The following SV2C variants were observed in gnomAD, a reference collection of about 807,000 sequenced individuals.
The protein encoded by SV2C is synaptic vesicle glycoprotein 2C.
In SV2C, 49 loss-of-function variants were observed where a neutral mutation model predicts 79.7. The observed-to-expected ratio is 0.61, with a 90% confidence interval of 0.49 to 0.78. The LOEUF is 0.78. SV2C is among the 30% of genes least tolerant of loss of function. SV2C has a pLI of 0.00. For synonymous variants in SV2C, 334 were observed against 333.2 expected (o/e 1.00, Z -0.03); for missense variants, 833 against 912.9 (o/e 0.91, Z 1.13).
intron 4 of SV2C, among the ~76,000 whole-genome samples, chr5:76,230,821 G>A (rs1561274759): frequency 6.9e-6 from 1 of 144,144 alleles, no homozygotes; most frequent in African/African-American, 2.9e-5. Flanking sequence ...AAGAAAGAAA[G>A]GCAAGAAAGT....
chr5:75,910,744 A>G, the SV2C span: 20 of 1,370,284 alleles, frequency 1.5e-5, no homozygotes, highest in East Asian at 4.6e-5. Flanking sequence ...TGAACCAAAA[A>G]CTACTAGAGG....
chr5:76,251,624 G>A (rs1331240891), intron 4 of SV2C, among the ~76,000 whole-genome samples: 1 of 152,136 alleles, frequency 6.6e-6, no homozygotes, highest in Non-Finnish European at 1.5e-5. Context: ...TGATTCCAGT[G>A]GTCTGGATGG....
the SV2C span, among the ~76,000 whole-genome samples, chr5:75,862,841 A>G: frequency 6.6e-6 from 1 of 152,212 alleles, no homozygotes; most frequent in Non-Finnish European, 1.5e-5. Flanking sequence ...AGACGTGATA[A>G]TCGGAGTAGG....
At chr5:75,955,223 C>T in the SV2C span, among the ~76,000 whole-genome samples, 10 of 150,664 alleles carry the variant, frequency 6.6e-5, no homozygotes, top group Non-Finnish European at 1.2e-4. Context: ...CAGAACAGAG[C>T]CCTCAGAAAT....
intron 2 of SV2C, among the ~76,000 whole-genome samples, chr5:76,155,389 C>T (rs1226424971): frequency 6.6e-6 from 1 of 152,228 alleles, no homozygotes; most frequent in African/African-American, 2.4e-5. Context: ...TCTTCCCCCA[C>T]TCCAAACTCA....
the SV2C span, among the ~76,000 whole-genome samples, chr5:76,057,982 C>T: frequency 6.6e-6 from 1 of 152,048 alleles, no homozygotes; most frequent in African/African-American, 2.4e-5. Context: ...TATGTAACGT[C>T]CATTTCTTTA....
rs567533458 is a variant in SV2C at position 76,328,769 on chromosome 5, A to AT, written c.*3236dup. ...TTATCTGCCTTCTTATGCTAAACTCATTTTTTTTTTTTTTAGGTGGAGTTT... is the reference window on the plus strand; with the variant it reads ...TTATCTGCCTTCTTATGCTAAACTCATTTTTTTTTTTTTTTAGGTGGAGTTT... On this transcript the variant is annotated 3_prime_UTR_variant, in exon 13 of 13. Coordinates refer to ENST00000502798, the MANE Select transcript of SV2C (RefSeq NM_014979.4). The AT allele has an allele frequency of 0.045, 6,430 of 144,022 alleles. 380 individuals carry two copies. The highest frequency in any genetic ancestry group is 0.14 in the African/African-American group (5,435 of 39,496). The allele number at this position is 144,022 out of a possible 1,614,324, so 8.9% of individuals were successfully genotyped here. A position where few individuals can be genotyped will look rare whatever the true frequency, so the allele number is the denominator to read the frequency against.
At chr5:76,222,793 CTAT>C (rs1745105211) in intron 4 of SV2C, among the ~76,000 whole-genome samples, 1 of 152,076 alleles carries the variant, frequency 6.6e-6, no homozygotes, top group African/African-American at 2.4e-5. Flanking sequence ...CATATATTAT[CTAT>C]TTATTCTAAC....
intron 2 of SV2C, chr5:76,170,798 G>T (rs554867014): frequency 8.8e-6 from 2 of 228,296 alleles, no homozygotes; most frequent in Admixed American, 5.9e-5. Context: ...CCGCGGGCTG[G>T]GGTCGGTGGC....
chr5:76,350,127 A>C (rs1749619699), intron 12 of SV2C, among the ~76,000 whole-genome samples: 1 of 152,202 alleles, frequency 6.6e-6, no homozygotes, highest in Non-Finnish European at 1.5e-5. Flanking sequence ...TGCAAGAATT[A>C]AACGATCACA....
intron 12 of SV2C, among the ~76,000 whole-genome samples, chr5:76,324,133 C>T (rs182740116): frequency 2.6e-3 from 402 of 151,998 alleles, no homozygotes; most frequent in Non-Finnish European, 4.8e-3. Flanking sequence ...TTTCTCTTTA[C>T]TTATCTGATA....
At chr5:76,177,114 C>A (rs377286455) in intron 2 of SV2C, among the ~76,000 whole-genome samples, 167 of 138,622 alleles carry the variant, frequency 1.2e-3, no homozygotes, top group Middle Eastern at 3.9e-3. Context: ...GACTCTGTCT[C>A]AAAAAAAAAA....
At chr5:76,084,358 CCT>C (rs1747101346) in intron 1 of SV2C, among the ~76,000 whole-genome samples, 2 of 152,108 alleles carry the variant, frequency 1.3e-5, no homozygotes, top group East Asian at 3.9e-4. Context: ...ATCAGCCGAC[CCT>C]CTGACCCTTT....
intron 2 of SV2C, chr5:76,171,027 C>T (rs1396200765): frequency 1.2e-5 from 2 of 172,138 alleles, no homozygotes; most frequent in Admixed American, 8.2e-5. Context: ...CAGTCTTTGC[C>T]GCCGCGCCGG....
rs781697227 is a variant in SV2C at position 76,301,453 on chromosome 5, G to A, written c.1908G>A (p.Met636Ile). 13 of 1,613,980 alleles carry A rather than the reference G, an allele frequency of 8.1e-6. No individual in the cohort carries two copies. In the African/African-American group the frequency reaches 1.5e-4, roughly 18 times the overall value. The change falls in exon 12 of 13, where the codon ATG becomes ATA. Residue 636 changes from methionine (M) to isoleucine (I), a missense_variant. Transcript: ENST00000502798. ...GGTTCGGCACCAGTGAATCCATGATGATAGGCATGCTGTGTCTGTACAATG... is the reference window on the plus strand; with the variant it reads ...GGTTCGGCACCAGTGAATCCATGATAATAGGCATGCTGTGTCTGTACAATG... ...FLWFGTSESM[M>I]IGMLCLYNGL...
the SV2C span, among the ~76,000 whole-genome samples, chr5:75,854,984 T>A: frequency 6.6e-6 from 1 of 152,216 alleles, no homozygotes; most frequent in Non-Finnish European, 1.5e-5. Context: ...CTGATCTATA[T>A]GTCTATGCTT....
At chr5:76,341,340 C>G (rs1350994714) in intron 12 of SV2C, among the ~76,000 whole-genome samples, 1 of 152,070 alleles carries the variant, frequency 6.6e-6, no homozygotes, top group Non-Finnish European at 1.5e-5. Context: ...GAGTTCAAGA[C>G]CAGCCTGAAC....
chr5:76,189,672 G>A (rs1018091141), intron 2 of SV2C, among the ~76,000 whole-genome samples: 1 of 152,154 alleles, frequency 6.6e-6, no homozygotes. Context: ...TCAAACTGGA[G>A]TTCCCCATTG....
intron 6 of SV2C, 92 bp downstream of exon 6, chr5:76,285,962 T>C (rs1747344604): frequency 1.7e-6 from 2 of 1,184,652 alleles, no homozygotes; most frequent in Admixed American, 4.4e-5. Flanking sequence ...ACTTTGCAAG[T>C]CATACGGTCT....
Sources: gnomAD v4.1 joint callset for allele counts (sites outside exome capture counted in the v4.1 genomes callset) on GRCh38, gnomAD v4.1.1 for gene constraint, MANE v1.5 for transcripts, NCBI Gene and HGNC (gene_info 2026-07-23, HGNC 2026-07-21) for gene names.